ABCG2: variants seen among roughly 807,000 people sequenced by gnomAD.
ABCG2 encodes the protein ATP binding cassette subfamily G member 2 (JR blood group).
A neutral mutation model predicts 73.5 loss-of-function variants in ABCG2; 80 were observed. The observed-to-expected ratio is 1.09, with a 90% CI of 0.91 to 1.31. The LOEUF is 1.31. Ranked by LOEUF, ABCG2 falls within the 50% of genes most tolerant of loss-of-function variation. The pLI is 0.00. For missense variants in ABCG2, 796 were observed against 786.2 expected, an observed-to-expected ratio of 1.01 and a Z score of -0.15; for synonymous variants, 269 against 282.4, an observed-to-expected ratio of 0.95 and a Z score of 0.48.
intron 1 of ABCG2, among the ~76,000 whole-genome samples, chr4:88,178,931 C>T (rs1342756182): frequency 6.6e-6 from 1 of 152,148 alleles, no homozygotes; most frequent in Non-Finnish European, 1.5e-5. Flanking sequence ...CCCTGGCTCC[C>T]AGATGACATC....
chr4:88,183,729 T>G (rs983602415), intron 1 of ABCG2, among the ~76,000 whole-genome samples: 8 of 151,654 alleles, frequency 5.3e-5, no homozygotes, highest in African/African-American at 1.9e-4. Context: ...AGTGTTACCT[T>G]GATGCCAAAA....
intron 9 of ABCG2, 68 bp downstream of exon 9, chr4:88,113,235 T>A: frequency 6.5e-7 from 1 of 1,547,564 alleles, no homozygotes; most frequent in Admixed American, 1.9e-5. Flanking sequence ...GATAAACATA[T>A]CCTGAAGCAG....
rs1721618869 is a variant in ABCG2, at chr4:88,091,117, A to G, written c.*1117T>C. On this transcript the variant is annotated 3_prime_UTR_variant, in exon 16 of 16. Coordinates refer to ENST00000237612, the MANE Select transcript of ABCG2 (RefSeq NM_004827.3). ...AAAATAACCCAGGGGTAAGGAAGGA[A>G]GTAGTGACTGGGAGAATGGCTGAGT... 6.6e-6 allele frequency: 1 copy of G among 152,234 alleles called. No individual in the cohort carries two copies. Among genetic ancestry groups the G allele is most frequent in the African/African-American group, 2.4e-5 (1 of 41,466 alleles). The allele number at this position is 152,234 out of a possible 1,614,324, so 9.4% of individuals were successfully genotyped here.
intron 1 of ABCG2, among the ~76,000 whole-genome samples, chr4:88,227,344 C>T (rs944583117): frequency 6.6e-5 from 10 of 152,018 alleles, no homozygotes; most frequent in East Asian, 1.9e-4. Flanking sequence ...TGCAGTGAGC[C>T]GAGATCGCGC....
chr4:88,129,872 C>T (rs961763039), intron 5 of ABCG2, among the ~76,000 whole-genome samples: 1 of 152,072 alleles, frequency 6.6e-6, no homozygotes, highest in Admixed American at 6.5e-5. Context: ...TTTTTCTTCA[C>T]GATCCTCTCC....
chr4:88,153,866 G>A (rs1308407686), intron 1 of ABCG2, among the ~76,000 whole-genome samples: 1 of 152,142 alleles, frequency 6.6e-6, no homozygotes, highest in Non-Finnish European at 1.5e-5. Context: ...GGGGGCATGA[G>A]AAATTCCTGA....
At chr4:88,112,434 T>C (rs903669186) in intron 9 of ABCG2, among the ~76,000 whole-genome samples, 6 of 150,122 alleles carry the variant, frequency 4.0e-5, no homozygotes, top group African/African-American at 1.5e-4. Context: ...TTCTCCCTAC[T>C]TCTCTCTCTT....
At chr4:88,111,056 C>G (rs996546276) in intron 9 of ABCG2, among the ~76,000 whole-genome samples, 1 of 152,104 alleles carries the variant, frequency 6.6e-6, no homozygotes. Flanking sequence ...GGAAGGAAGC[C>G]CAGTATCAAA....
At chr4:88,112,460 C>T (rs891806859) in intron 9 of ABCG2, among the ~76,000 whole-genome samples, 2 of 152,142 alleles carry the variant, frequency 1.3e-5, no homozygotes, top group Non-Finnish European at 2.9e-5. Flanking sequence ...CCTTTCTCCA[C>T]CCCTTCTCTG....
At chr4:88,180,994 G>GA (rs1728210763) in intron 1 of ABCG2, among the ~76,000 whole-genome samples, 2 of 151,852 alleles carry the variant, frequency 1.3e-5, no homozygotes. Context: ...GATATAAATA[G>GA]AAAAAAACAA....
intron 1 of ABCG2, among the ~76,000 whole-genome samples, chr4:88,229,777 A>T (rs912475880): frequency 6.6e-6 from 1 of 152,052 alleles, no homozygotes; most frequent in Non-Finnish European, 1.5e-5. Flanking sequence ...TTTGGGTTAA[A>T]TGCAACTTTC....
intron 1 of ABCG2, among the ~76,000 whole-genome samples, chr4:88,172,801 T>C (rs1452193700): frequency 6.6e-6 from 1 of 151,844 alleles, no homozygotes; most frequent in East Asian, 1.9e-4. Flanking sequence ...GCAGGAGGGG[T>C]TTTTTTCTGG....
intron 2 of ABCG2, among the ~76,000 whole-genome samples, chr4:88,133,004 A>G (rs770027862): frequency 2.6e-5 from 4 of 152,254 alleles, no homozygotes; most frequent in Non-Finnish European, 5.9e-5. Flanking sequence ...AGATTCCTCT[A>G]AATTCCTTTC....
At chr4:88,164,060 C>T (rs1356519263), upstream of ABCG2, 2 of 153,326 alleles carry the variant, frequency 1.3e-5, no homozygotes, top group African/African-American at 4.8e-5. Flanking sequence ...TGTGTCCCTA[C>T]CCAAATCTCA....
chr4:88,148,392 G>T (rs1726197734), intron 1 of ABCG2, among the ~76,000 whole-genome samples: 1 of 152,204 alleles, frequency 6.6e-6, no homozygotes, highest in African/African-American at 2.4e-5. Flanking sequence ...TACCATTCAT[G>T]AGGCTGGAGT....
chr4:88,168,905 C>T (rs1263291380), intron 1 of ABCG2, among the ~76,000 whole-genome samples: 1 of 152,036 alleles, frequency 6.6e-6, no homozygotes, highest in Non-Finnish European at 1.5e-5. Flanking sequence ...ACAGAAGCCT[C>T]CCTCAAGCTC....
intron 2 of ABCG2, among the ~76,000 whole-genome samples, chr4:88,136,536 T>G (rs1446747815): frequency 1.3e-5 from 2 of 151,942 alleles, no homozygotes; most frequent in African/African-American, 4.8e-5. Context: ...TGAAACCCTA[T>G]CTCTACAAAA....
chr4:88,123,567 A>T (rs944923873), intron 5 of ABCG2, among the ~76,000 whole-genome samples: 10 of 152,056 alleles, frequency 6.6e-5, no homozygotes, highest in African/African-American at 2.4e-4. Flanking sequence ...GATATAAGAG[A>T]TTAATGAAAT....
At chr4:88,134,220 C>T (rs572583944) in intron 2 of ABCG2, among the ~76,000 whole-genome samples, 13 of 152,296 alleles carry the variant, frequency 8.5e-5, no homozygotes, top group Middle Eastern at 6.8e-3. Flanking sequence ...TGATCCTATA[C>T]AATTATGAGT....
Sources: gnomAD v4.1 joint callset for allele counts (sites outside exome capture counted in the v4.1 genomes callset) on GRCh38, gnomAD v4.1.1 for gene constraint, MANE v1.5 for transcripts, NCBI Gene and HGNC (gene_info 2026-07-23, HGNC 2026-07-21) for gene names.